Variants in TMOD4 observed in about 807,000 individuals in gnomAD.
The protein encoded by TMOD4 is tropomodulin 4.
A neutral mutation model predicts 45.4 loss-of-function variants in TMOD4; 34 were observed. The ratio of observed to expected loss-of-function variants is 0.75; its 90% CI spans 0.57 to 1.00. TMOD4 has a LOEUF of 1.00. Ranked by LOEUF, TMOD4 falls within the 50% of genes least tolerant of loss-of-function variation. The pLI is 0.00. For missense variants in TMOD4, 399 were observed against 437.5 expected (o/e 0.91, Z 0.78); for synonymous variants, 131 against 153.9 (o/e 0.85, Z 1.10).
chr1:151,170,437 G>A, intron 9 of TMOD4, 82 bp downstream of exon 9: 2 of 1,579,532 alleles, frequency 1.3e-6, no homozygotes, highest in Admixed American at 1.7e-5. Context: ...TGGGCTGTTA[G>A]TCATTAGGTC....
chr1:151,172,655 C>T (rs1426537767), intron 4 of TMOD4, among the ~76,000 whole-genome samples: 7 of 152,064 alleles, frequency 4.6e-5, no homozygotes, highest in Non-Finnish European at 1.0e-4. Context: ...CCCCCCGAGA[C>T]GGAGTCTCAC....
chr1:151,173,387 G>A (rs1021208249), intron 4 of TMOD4, 112 bp downstream of exon 4: 12 of 745,962 alleles, frequency 1.6e-5, no homozygotes, highest in African/African-American at 1.2e-4. Flanking sequence ...ACTGCTTGAC[G>A]CTTTCTTAGA....
intron 4 of TMOD4, 38 bp downstream of exon 4, chr1:151,173,461 C>T (rs1262863020): frequency 2.6e-6 from 4 of 1,535,570 alleles, no homozygotes; most frequent in Non-Finnish European, 3.6e-6. Flanking sequence ...TCCACCTGCC[C>T]CTGATCCTCT....
At chr1:151,171,838 CTT>C (rs200165349) in intron 5 of TMOD4, 75 bp from the exon 6 acceptor site, 11,172 of 1,247,248 alleles carry the variant, frequency 9.0e-3, no homozygotes, top group South Asian at 0.013. Context: ...CTTTTCTTTT[CTT>C]TTTTTTTTTT....
In TMOD4 at chr1:151,173,237, AG is replaced by A. The variant is rs1684010725; in HGVS notation, c.397+261del. On this transcript the variant is annotated intron_variant, in intron 4 of 9. Transcript: ENST00000295314. ...GTGCACTCAGGCCTCCCAAGTGCTGAGGTTACAGGTGTGAGTCATGGTGCCT... is the reference window on the plus strand; with the variant it reads ...GTGCACTCAGGCCTCCCAAGTGCTGAGTTACAGGTGTGAGTCATGGTGCCT... 3.3e-5 allele frequency among the ~76,000 whole-genome samples: 5 copies of A among 152,194 alleles called. No individual in the cohort carries two copies. In the South Asian group the frequency reaches 1.0e-3, roughly 32 times the overall value.
intron 9 of TMOD4, 101 bp from the exon 10 acceptor site, chr1:151,170,204 G>A: frequency 4.9e-6 from 7 of 1,442,624 alleles, no homozygotes; most frequent in Non-Finnish European, 2.9e-6. Flanking sequence ...TCATAAATTG[G>A]TAGTGTCTTA....
intron 2 of TMOD4, 88 bp downstream of exon 2, chr1:151,174,665 T>G: frequency 1.2e-6 from 2 of 1,601,888 alleles, no homozygotes; most frequent in East Asian, 4.5e-5. Flanking sequence ...CTAGGTCCTG[T>G]AGCAAACCCT....
intron 3 of TMOD4, 85 bp downstream of exon 3, chr1:151,174,306 G>A: frequency 6.8e-7 from 1 of 1,475,528 alleles, no homozygotes. Flanking sequence ...GAGCTGGAAG[G>A]TGAGAGGGAA....
intron 5 of TMOD4, 149 bp from the exon 6 acceptor site, chr1:151,171,912 C>T (rs1290729101): frequency 1.8e-6 from 2 of 1,123,054 alleles, no homozygotes; most frequent in South Asian, 1.7e-5. Flanking sequence ...TCTCAACTCA[C>T]AGCAGCCTTG....
intron 3 of TMOD4, among the ~76,000 whole-genome samples, chr1:151,174,133 G>A (rs1684035632): frequency 6.6e-6 from 1 of 152,100 alleles, no homozygotes; most frequent in South Asian, 2.1e-4. Context: ...GGAGAATGGC[G>A]TGAACCCGGG....
intron 5 of TMOD4, 70 bp from the exon 6 acceptor site, chr1:151,171,833 CTTTT>C: frequency 1.4e-6 from 2 of 1,468,470 alleles, no homozygotes; most frequent in Non-Finnish European, 1.8e-6. Context: ...GTTTTCTTTT[CTTTT>C]CTTTTTTTTT....
intron 3 of TMOD4, among the ~76,000 whole-genome samples, 171 bp from the exon 4 acceptor site, chr1:151,173,786 G>T (rs587617488): frequency 6.6e-6 from 1 of 152,340 alleles, no homozygotes; most frequent in South Asian, 2.1e-4. Flanking sequence ...CTCAAGAACT[G>T]AAGAGTGCGG....
intron 8 of TMOD4, 53 bp downstream of exon 8, chr1:151,170,867 G>T: frequency 1.3e-6 from 2 of 1,596,088 alleles, no homozygotes; most frequent in Non-Finnish European, 8.6e-7. Flanking sequence ...GGCTGGCTCA[G>T]GGAGGAGACT....
In TMOD4 at chr1:151,171,772, T is replaced by C. The variant is rs1182410973; in HGVS notation, c.488-9A>G. ...GTCAGGCTGTACCACACCTGGTGAATGAGGGCAGGAAGGGAACCCCAACAT... is the reference window on the plus strand; with the variant it reads ...GTCAGGCTGTACCACACCTGGTGAACGAGGGCAGGAAGGGAACCCCAACAT... On this transcript the variant is annotated splice_polypyrimidine_tract_variant and intron_variant, in intron 5 of 9. Transcript: ENST00000295314. 1.9e-5 allele frequency: 30 copies of C among 1,613,274 alleles called. No individual in the cohort carries two copies. The highest frequency in any genetic ancestry group is 2.2e-5 in the Non-Finnish European group (26 of 1,179,752).
intron 7 of TMOD4, 61 bp downstream of exon 7, chr1:151,171,372 A>G: frequency 6.8e-7 from 1 of 1,465,062 alleles, no homozygotes. Flanking sequence ...CCTTTATGAC[A>G]GCCATGCAAC....
At chr1:151,174,986 A>C in intron 1 of TMOD4, 69 bp from the exon 2 acceptor site, 1 of 1,304,632 alleles carries the variant, frequency 7.7e-7, no homozygotes, top group Non-Finnish European at 1.1e-6. Context: ...ACACAAAGAG[A>C]CCAGCCAGGG....
chr1:151,171,054 C>T lies in TMOD4; in HGVS notation c.736G>A (p.Asp246Asn). The T allele has an allele frequency of 6.2e-7, 1 of 1,614,092 alleles. No homozygotes were observed. Among genetic ancestry groups the T allele is most frequent in the Non-Finnish European group, 8.5e-7 (1 of 1,179,998 alleles). ...SGDPIANAVA[D>N]MLRENRSLQS... Reference sequence around the variant, plus strand: ...AGGCTACGATTCTCACGCAACATGTCAGCCACTGCCTGGGTAGTAGGGACT... The same window carrying T: ...AGGCTACGATTCTCACGCAACATGTTAGCCACTGCCTGGGTAGTAGGGACT... Residue 246 changes from aspartate (D) to asparagine (N), a missense_variant, in exon 8 of 10, where the codon GAC becomes AAC. Asp to Asn is a conservative substitution (Grantham distance 23, BLOSUM62 1). Transcript: ENST00000295314.
Position 151,174,853 on chromosome 1 carries a change from A to G in TMOD4, c.23T>C (p.Leu8Pro). 1.2e-6 allele frequency: 2 copies of G among 1,614,142 alleles called. No homozygotes were observed. The highest frequency in any genetic ancestry group is 1.7e-6 in the Non-Finnish European group (2 of 1,180,012). ...TTCATCTATGTCTCTGTATTTCTCC[A>G]GTTCCTTCTGATATGATGACATGGT... MSSYQKE[L>P]EKYRDIDEDE... Residue 8 changes from leucine (L) to proline (P), a missense_variant, in exon 2 of 10, where the codon CTG becomes CCG. Transcript: ENST00000295314.
At chr1:151,172,410 G>C (rs1360138910) in intron 4 of TMOD4, 53 bp from the exon 5 acceptor site, 1 of 1,382,440 alleles carries the variant, frequency 7.2e-7, no homozygotes, top group African/African-American at 1.4e-5. Context: ...CCTGTTCCAA[G>C]CCTCCCTCCT....
Sources: allele counts gnomAD v4.1 joint callset (sites outside exome capture counted in the v4.1 genomes callset), GRCh38; gene constraint gnomAD v4.1.1; transcripts MANE v1.5; gene names NCBI Gene and HGNC (gene_info 2026-07-23, HGNC 2026-07-21).